Variants in FAM193B observed in about 807,000 individuals in gnomAD.
FAM193B encodes the protein family with sequence similarity 193 member B.
A neutral mutation model predicts 70.7 loss-of-function variants in FAM193B; 27 were observed. The ratio of observed to expected loss-of-function variants is 0.38; its 90% CI spans 0.28 to 0.53. The LOEUF (loss-of-function observed/expected upper bound fraction) is 0.53, where lower values mean the gene tolerates loss of function less well. FAM193B is among the 20% of genes least tolerant of loss of function. The pLI is 0.81. For synonymous variants in FAM193B, 448 were observed against 436.0 expected (o/e 1.03, Z -0.34); for missense variants, 1,022 against 1,072.5 (o/e 0.95, Z 0.66).
chr5:177,540,809 C>A (rs1764761882), intron 1 of FAM193B, among the ~76,000 whole-genome samples: 1 of 152,156 alleles, frequency 6.6e-6, no homozygotes, highest in Admixed American at 6.5e-5. Flanking sequence ...TCCAAACTTA[C>A]CCAACACTGG....
intron 5 of FAM193B, among the ~76,000 whole-genome samples, chr5:177,529,160 T>G (rs1763079763): frequency 6.6e-6 from 1 of 151,518 alleles, no homozygotes; most frequent in Non-Finnish European, 1.5e-5. Context: ...AGGGGTGCAG[T>G]TTTTAAGAAG....
At chr5:177,553,936 C>A in intron 1 of FAM193B, 3 of 1,232,456 alleles carry the variant, frequency 2.4e-6, no homozygotes, top group Non-Finnish European at 3.1e-6. Context: ...GAGAGCGGAG[C>A]TGCGGCCTCG....
At position 177,549,260 on chromosome 5, in the gene FAM193B, T is replaced by C. The variant is rs1765882551; in HGVS notation, c.210+4989A>G. 5.3e-5 allele frequency among the ~76,000 whole-genome samples: 8 copies of C among 149,546 alleles called. 1 individual carries two copies. The South Asian group carries it at 1.7e-3, about 32-fold the overall frequency. On this transcript the variant is annotated intron_variant, in intron 1 of 8. Coordinates refer to ENST00000514747, the MANE Select transcript of FAM193B (RefSeq NM_001190946.3). ...CAGGCTGGAGTGCAGTGGCGCGATC[T>C]TGGCTCACTGCAAGCTCCACCTCCC... is the stretch of plus-strand genomic sequence containing the variant.
At position 177,522,679 on chromosome 5, in the gene FAM193B, A is replaced by G. The variant is rs149646511; in HGVS notation, c.2373-608T>C. The stretch of plus-strand genomic sequence containing the variant: ...AAATCATCTCTAGATTACTTAAAAT[A>G]CCTAATACAATGTAAATGCTATGTA... On this transcript the variant is annotated intron_variant, in intron 7 of 8. Coordinates refer to ENST00000514747, the MANE Select transcript of FAM193B (RefSeq NM_001190946.3). 6.2e-3 allele frequency among the ~76,000 whole-genome samples: 941 copies of G among 152,188 alleles called. 11 individuals are homozygous for G. The highest frequency in any genetic ancestry group is 0.022 in the African/African-American group (916 of 41,514).
rs931751464 is a variant in FAM193B, at chr5:177,538,192, G to C, written c.454-85C>G. ...TGCTGCCTCAGCTTTTCCTGAGGGA[G>C]CTCCTTCTCCTCCAGACCATGTGCC... is the stretch of plus-strand genomic sequence containing the variant. On this transcript the variant is annotated intron_variant, in intron 2 of 8. Coordinates refer to ENST00000514747, the MANE Select transcript of FAM193B (RefSeq NM_001190946.3). The surrounding 1 kb of genome is among the most constrained non-coding windows in gnomAD (Gnocchi z 4.1). The C allele has an allele frequency of 1.3e-5, 18 of 1,380,304 alleles. No homozygotes were observed. In the African/African-American group the frequency reaches 2.5e-4, roughly 19 times the overall value. The allele number at this position is 1,380,304 out of a possible 1,614,324, so 85.5% of individuals were successfully genotyped here. A position where few individuals can be genotyped will look rare whatever the true frequency, so the allele number is the denominator to read the frequency against.
intron 1 of FAM193B, among the ~76,000 whole-genome samples, chr5:177,547,800 G>C (rs149413484): frequency 1.3e-5 from 2 of 152,158 alleles, no homozygotes; most frequent in Non-Finnish European, 2.9e-5. Context: ...AGCATCCTAA[G>C]CATGGAGGGG....
intron 5 of FAM193B, 32 bp from the exon 6 acceptor site, chr5:177,525,237 G>A: frequency 1.4e-6 from 2 of 1,430,342 alleles, no homozygotes; most frequent in Non-Finnish European, 1.8e-6. Flanking sequence ...TTAGCAGGAG[G>A]CTGTCAACTG....
chr5:177,546,180 A>T (rs1765402916), intron 1 of FAM193B, among the ~76,000 whole-genome samples: 1 of 152,254 alleles, frequency 6.6e-6, no homozygotes, highest in Non-Finnish European at 1.5e-5. Flanking sequence ...AGTGCCGGGA[A>T]ACATCTACCC....
intron 1 of FAM193B, among the ~76,000 whole-genome samples, chr5:177,540,829 G>A (rs970144467): frequency 1.3e-5 from 2 of 152,176 alleles, no homozygotes; most frequent in African/African-American, 4.8e-5. Flanking sequence ...GGTAACATGT[G>A]TCTGCAGAGG....
chr5:177,525,704 G>A (rs1302190320), intron 5 of FAM193B, among the ~76,000 whole-genome samples: 2 of 152,258 alleles, frequency 1.3e-5, no homozygotes, highest in Non-Finnish European at 2.9e-5. Context: ...CCCGTAGAGA[G>A]GCCACTTGCT....
At chr5:177,520,365 G>A (rs150213353) in intron 8 of FAM193B, among the ~76,000 whole-genome samples, 184 bp from the exon 9 acceptor site, 1 of 152,328 alleles carries the variant, frequency 6.6e-6, no homozygotes, top group East Asian at 1.9e-4. Flanking sequence ...TTAACGGGTT[G>A]GGAGACAGAG....
Position 177,538,959 on chromosome 5 carries a change from G to A in FAM193B, c.399C>T (p.Cys133=). Reference sequence around the variant, plus strand: ...TTTCATCTTCCTCCATGCTCTTTCGGCAACTCTGGCAGACCCACAGAGGCA... The same window carrying A: ...TTTCATCTTCCTCCATGCTCTTTCGACAACTCTGGCAGACCCACAGAGGCA... The part of the protein sequence containing the change: ...GEMPLWVCQS[C]RKSMEEDERQ... Residue 133 remains cysteine (C), a synonymous_variant, in exon 2 of 9, where the codon TGC becomes TGT. Transcript: ENST00000514747. This position sits in a 1 kb window ranked among gnomAD's most constrained non-coding sequence, Gnocchi z 4.1. 6.2e-7 allele frequency: 1 copy of A among 1,614,006 alleles called. No individual in the cohort carries two copies. The highest frequency in any genetic ancestry group is 1.1e-5 in the South Asian group (1 of 91,082).
At chr5:177,537,753 A>ACAGTTC in intron 3 of FAM193B, 120 bp downstream of exon 3, 2 of 1,390,844 alleles carry the variant, frequency 1.4e-6, no homozygotes, top group Non-Finnish European at 1.9e-6. Context: ...TTCCACCAGA[A>ACAGTTC]CAGTTCCACT....
chr5:177,554,114 T>A (rs1766712811), intron 1 of FAM193B, 135 bp downstream of exon 1: 2 of 1,396,158 alleles, frequency 1.4e-6, no homozygotes, highest in Admixed American at 5.2e-5. Context: ...GGAGAAAGCT[T>A]CGGCGCCGGA....
chr5:177,539,656 G>C (rs1333024549), intron 1 of FAM193B, among the ~76,000 whole-genome samples: 1 of 152,212 alleles, frequency 6.6e-6, no homozygotes, highest in Admixed American at 6.5e-5. Context: ...GCAACATTTT[G>C]GAGGAGGCGT....
chr5:177,539,323 AT>A, intron 1 of FAM193B, 176 bp from the exon 2 acceptor site: 1 of 715,394 alleles, frequency 1.4e-6, no homozygotes, highest in Non-Finnish European at 2.2e-6. Flanking sequence ...TCTTATTCCC[AT>A]TTTTTAAGAT....
intron 3 of FAM193B, 90 bp from the exon 4 acceptor site, chr5:177,536,835 C>G: frequency 6.7e-7 from 1 of 1,485,190 alleles, no homozygotes; most frequent in Non-Finnish European, 9.0e-7. Flanking sequence ...CATCCTGCTT[C>G]TGTGACAAGA....
At chr5:177,533,287 G>A (rs1305298058) in intron 4 of FAM193B, among the ~76,000 whole-genome samples, 1 of 151,896 alleles carries the variant, frequency 6.6e-6, no homozygotes, top group Non-Finnish European at 1.5e-5. Context: ...CACTGTTTGT[G>A]CCAGGTTCTA....
At position 177,524,758 on chromosome 5, in the gene FAM193B, G is replaced by C; in HGVS notation, c.1723C>G (p.Pro575Ala). 6.5e-7 allele frequency: 1 copy of C among 1,532,690 alleles called. No homozygotes were observed. The highest frequency in any genetic ancestry group is 8.8e-7 in the Non-Finnish European group (1 of 1,141,708). The allele number at this position is 1,532,690 out of a possible 1,614,324, so 94.9% of individuals were successfully genotyped here. A position where few individuals can be genotyped will look rare whatever the true frequency, so the allele number is the denominator to read the frequency against. ...AGCCCGTTCTCGGGGACGATACCGG[G>C]AGGGGGCCCCCTCACCTCTGTCCAT... is the stretch of plus-strand genomic sequence containing the variant. ...PPWTEVRGPP[P>A]GIVPENGLVR... The change falls in exon 6 of 9, where the codon CCC (proline) becomes GCC (alanine). Residue 575 changes from proline (P) to alanine (A), a missense_variant. Physicochemically the swap from Pro to Ala is conservative, Grantham distance 27. Transcript: ENST00000514747.
Sources: allele counts gnomAD v4.1 joint callset (sites outside exome capture counted in the v4.1 genomes callset), GRCh38; gene constraint gnomAD v4.1.1; non-coding constraint Gnocchi (gnomAD v3.1); transcripts MANE v1.5; gene names NCBI Gene and HGNC (gene_info 2026-07-23, HGNC 2026-07-21).